The following GRID1 variants were observed in gnomAD, a reference collection of about 807,000 sequenced individuals.
GRID1 encodes glutamate receptor ionotropic, delta-1.
A neutral mutation model predicts 98.0 loss-of-function variants in GRID1; 28 were observed. The observed-to-expected ratio is 0.29, with a 90% CI of 0.21 to 0.39. The LOEUF (loss-of-function observed/expected upper bound fraction) is 0.39, where lower values mean the gene tolerates loss of function less well. Among genes scored for constraint, GRID1 ranks in the 10% least tolerant of loss-of-function variants. GRID1 has a pLI of 1.00. For missense variants in GRID1, 1,111 were observed against 1,340.5 expected (o/e 0.83, Z 2.67); for synonymous variants, 553 against 538.5 (o/e 1.03, Z -0.37).
chr10:85,751,303 A>G (rs1050688699), intron 8 of GRID1, among the ~76,000 whole-genome samples: 3 of 152,248 alleles, frequency 2.0e-5, no homozygotes, highest in African/African-American at 4.8e-5. Flanking sequence ...ATATTAGGGT[A>G]GCGCCAGGTT....
At chr10:85,920,356 C>T (rs79956616) in intron 4 of GRID1, among the ~76,000 whole-genome samples, 4,668 of 152,264 alleles carry the variant, frequency 0.031, 94 homozygotes, top group Middle Eastern at 0.078. Flanking sequence ...GATCAGTCAG[C>T]GCAAAGTTCC....
At chr10:86,168,806 A>T (rs1845438638) in intron 3 of GRID1, among the ~76,000 whole-genome samples, 1 of 152,142 alleles carries the variant, frequency 6.6e-6, no homozygotes. Flanking sequence ...ACCCTGGGGG[A>T]CAGGGCAGGG....
chr10:86,015,602 C>T (rs1019845738), intron 4 of GRID1, among the ~76,000 whole-genome samples: 13 of 152,210 alleles, frequency 8.5e-5, no homozygotes, highest in African/African-American at 2.9e-4. Context: ...GTGGCAGCCA[C>T]GTTCAGCAAC....
At chr10:86,214,571 G>C (rs2814323) in intron 2 of GRID1, among the ~76,000 whole-genome samples, 52,014 of 152,090 alleles carry the variant, frequency 0.34, 9,177 homozygotes, top group East Asian at 0.57. Context: ...CAGCACAGCA[G>C]AGCAAGAAAC....
At chr10:85,608,266 A>G (rs1355672742) in intron 15 of GRID1, among the ~76,000 whole-genome samples, 1 of 152,184 alleles carries the variant, frequency 6.6e-6, no homozygotes, top group Non-Finnish European at 1.5e-5. Flanking sequence ...CCTTGGCTGG[A>G]TATCAGAAGC....
At chr10:86,155,458 T>C (rs1364066008) in intron 3 of GRID1, among the ~76,000 whole-genome samples, 1 of 152,256 alleles carries the variant, frequency 6.6e-6, no homozygotes, top group Non-Finnish European at 1.5e-5. Context: ...ATTATAGTGA[T>C]TTCCAGTTTA....
chr10:86,291,180 G>A (rs1013305699), intron 2 of GRID1, among the ~76,000 whole-genome samples: 3 of 152,220 alleles, frequency 2.0e-5, no homozygotes, highest in Admixed American at 6.5e-5. Flanking sequence ...GACCTGTGGC[G>A]GGGGGTGGAA....
intron 3 of GRID1, among the ~76,000 whole-genome samples, chr10:86,180,447 G>A (rs770368587): frequency 4.6e-5 from 7 of 152,114 alleles, no homozygotes; most frequent in Non-Finnish European, 7.4e-5. Flanking sequence ...TACTGACCAC[G>A]TCCTAACCAT....
intron 15 of GRID1, chr10:85,606,674 G>C (rs1429405363): frequency 6.6e-6 from 1 of 152,018 alleles, no homozygotes; most frequent in African/African-American, 2.4e-5. Context: ...TATTACCTGG[G>C]GTCATAGATT....
intron 12 of GRID1, among the ~76,000 whole-genome samples, chr10:85,676,718 C>A (rs1841149472): frequency 1.3e-5 from 2 of 152,216 alleles, no homozygotes; most frequent in Non-Finnish European, 2.9e-5. Context: ...CTTGGAAGCA[C>A]CCAATAAATC....
chr10:85,964,365 G>A (rs1842309790), intron 4 of GRID1, among the ~76,000 whole-genome samples: 1 of 152,116 alleles, frequency 6.6e-6, no homozygotes, highest in African/African-American at 2.4e-5. Context: ...AAAGCTAGAG[G>A]CATCATGCTA....
intron 2 of GRID1, among the ~76,000 whole-genome samples, chr10:86,325,105 C>T (rs1848028844): frequency 6.6e-6 from 1 of 152,144 alleles, no homozygotes; most frequent in African/African-American, 2.4e-5. Context: ...CCAACCAATC[C>T]ACAATCTTAA....
chr10:85,663,311 T>C (rs573715583), intron 12 of GRID1, among the ~76,000 whole-genome samples: 5 of 152,260 alleles, frequency 3.3e-5, no homozygotes, highest in East Asian at 1.9e-4. Flanking sequence ...CAGAATGCCA[T>C]GTGTAAAATG....
chr10:85,605,403 G>A (rs754839761), intron 15 of GRID1: 4 of 152,240 alleles, frequency 2.6e-5, no homozygotes, highest in African/African-American at 4.8e-5. Flanking sequence ...AGCTAGCAAA[G>A]CTTGGAGAAG....
chr10:86,352,536 C>CA (rs57368883), intron 2 of GRID1, among the ~76,000 whole-genome samples: 40,063 of 152,068 alleles, frequency 0.26, 7,005 homozygotes, highest in East Asian at 0.51. Flanking sequence ...GCTGCATCCT[C>CA]ACACAGCAGA....
intron 6 of GRID1, among the ~76,000 whole-genome samples, chr10:85,857,094 G>A (rs1245871404): frequency 6.6e-6 from 1 of 152,222 alleles, no homozygotes; most frequent in Non-Finnish European, 1.5e-5. Flanking sequence ...GTAACAGTGA[G>A]GACGGTGGTA....
At chr10:85,714,476 A>G (rs1269888058) in intron 12 of GRID1, among the ~76,000 whole-genome samples, 1 of 152,094 alleles carries the variant, frequency 6.6e-6, no homozygotes, top group Non-Finnish European at 1.5e-5. Context: ...ATATTTGCAG[A>G]TGACGTGATC....
intron 3 of GRID1, among the ~76,000 whole-genome samples, chr10:86,194,637 T>C (rs1845848112): frequency 6.6e-6 from 1 of 152,148 alleles, no homozygotes. Flanking sequence ...GTATGACTTA[T>C]GTATATGATA....
chr10:85,678,713 A>G (rs1841172723), intron 12 of GRID1, among the ~76,000 whole-genome samples: 2 of 152,076 alleles, frequency 1.3e-5, no homozygotes. Context: ...TCATCCTAAA[A>G]TAATTACTGT....
Sources: allele counts gnomAD v4.1 joint callset (sites outside exome capture counted in the v4.1 genomes callset), GRCh38; gene constraint gnomAD v4.1.1; transcripts MANE v1.5; gene names NCBI Gene and HGNC (gene_info 2026-07-23, HGNC 2026-07-21).